Variants in CSMD1 observed in about 807,000 individuals in gnomAD.
CSMD1 encodes CUB and Sushi multiple domains 1, also known as CUB and sushi domain-containing protein 1.
A neutral mutation model predicts 417.5 loss-of-function variants in CSMD1; 213 were observed. The ratio of observed to expected loss-of-function variants is 0.51; its 90% CI spans 0.46 to 0.57. The LOEUF is 0.57. Among genes scored for constraint, CSMD1 ranks in the 20% least tolerant of loss-of-function variants. CSMD1 has a pLI of 0.00. For missense variants in CSMD1, 6,923 were observed against 4,529.7 expected (o/e 1.53, Z -15.17); for synonymous variants, 2,862 against 1,736.8 (o/e 1.65, Z -16.11).
At chr8:4,051,803 A>G (rs1798437205) in intron 3 of CSMD1, among the ~76,000 whole-genome samples, 1 of 152,116 alleles carries the variant, frequency 6.6e-6, no homozygotes, top group South Asian at 2.1e-4. Flanking sequence ...ACACCATACA[A>G]TACTGACAGT....
intron 1 of CSMD1, among the ~76,000 whole-genome samples, chr8:4,928,295 G>A (rs1026606062): frequency 4.6e-5 from 7 of 152,076 alleles, no homozygotes; most frequent in African/African-American, 1.2e-4. Context: ...TCCCATATGT[G>A]CACAATCCCC....
chr8:3,136,326 G>A (rs1399553792), intron 41 of CSMD1, among the ~76,000 whole-genome samples: 3 of 146,426 alleles, frequency 2.0e-5, no homozygotes, highest in Non-Finnish European at 4.4e-5. Flanking sequence ...GCATGATCTC[G>A]GCTCACTACA....
At chr8:4,736,607 G>A (rs866802516) in intron 1 of CSMD1, among the ~76,000 whole-genome samples, 1 of 152,190 alleles carries the variant, frequency 6.6e-6, no homozygotes, top group Non-Finnish European at 1.5e-5. Context: ...TTGTACTGGA[G>A]CTAAAAGGCA....
At chr8:3,841,892 G>C (rs909353688) in intron 5 of CSMD1, among the ~76,000 whole-genome samples, 1 of 151,618 alleles carries the variant, frequency 6.6e-6, no homozygotes, top group African/African-American at 2.4e-5. Context: ...CACTGGCCAC[G>C]GCAAAGCCTT....
intron 5 of CSMD1, among the ~76,000 whole-genome samples, chr8:3,919,521 G>A (rs970361322): frequency 8.5e-5 from 13 of 152,150 alleles, no homozygotes; most frequent in Admixed American, 7.9e-4. Context: ...GTATCATACT[G>A]CTTTTATTAC....
At chr8:4,950,512 A>G (rs1215795331) in intron 1 of CSMD1, among the ~76,000 whole-genome samples, 1 of 152,210 alleles carries the variant, frequency 6.6e-6, no homozygotes, top group Admixed American at 6.5e-5. Context: ...TTAAACATAC[A>G]CTACTTTATT....
chr8:3,922,217 T>G (rs1584969781), intron 5 of CSMD1, among the ~76,000 whole-genome samples: 3 of 152,060 alleles, frequency 2.0e-5, no homozygotes, highest in Non-Finnish European at 4.4e-5. Context: ...TTTTAACCAC[T>G]TGCATAAAAA....
intron 3 of CSMD1, among the ~76,000 whole-genome samples, chr8:4,145,426 T>C (rs1394203808): frequency 6.6e-6 from 1 of 151,242 alleles, no homozygotes; most frequent in Non-Finnish European, 1.5e-5. Context: ...CTGGGAAAAG[T>C]GACTTAATCT....
chr8:4,399,274 A>G (rs1804483881), intron 3 of CSMD1, among the ~76,000 whole-genome samples: 1 of 152,238 alleles, frequency 6.6e-6, no homozygotes, highest in African/African-American at 2.4e-5. Context: ...ACAGCAACAA[A>G]GGACCATCAT....
intron 7 of CSMD1, among the ~76,000 whole-genome samples, chr8:3,632,754 G>C (rs959061054): frequency 1.3e-5 from 2 of 152,184 alleles, no homozygotes; most frequent in Non-Finnish European, 2.9e-5. Flanking sequence ...GCCAAGTTTT[G>C]CTGCCCTTGT....
intron 2 of CSMD1, among the ~76,000 whole-genome samples, chr8:4,435,006 C>T (rs1177493777): frequency 1.3e-5 from 2 of 152,066 alleles, no homozygotes; most frequent in Non-Finnish European, 2.9e-5. Flanking sequence ...CTTTTGTCTA[C>T]TCTTGGAGAC....
chr8:3,634,160 C>T (rs1196088359), intron 7 of CSMD1, among the ~76,000 whole-genome samples: 1 of 152,128 alleles, frequency 6.6e-6, no homozygotes, highest in East Asian at 1.9e-4. Context: ...TTGGAATGTC[C>T]TAGCTTATGA....
chr8:4,199,362 C>G (rs752227693), intron 3 of CSMD1, among the ~76,000 whole-genome samples: 3 of 152,074 alleles, frequency 2.0e-5, no homozygotes, highest in Non-Finnish European at 2.9e-5. Flanking sequence ...CACATAGATG[C>G]TTTAATAAAG....
At chr8:4,412,070 G>C (rs553621928) in intron 3 of CSMD1, among the ~76,000 whole-genome samples, 7 of 151,766 alleles carry the variant, frequency 4.6e-5, no homozygotes, top group South Asian at 4.2e-4. Context: ...ATATAGTTCA[G>C]ATATTTCTCA....
intron 41 of CSMD1, among the ~76,000 whole-genome samples, chr8:3,124,289 G>A (rs753505626): frequency 3.3e-5 from 5 of 152,094 alleles, no homozygotes; most frequent in African/African-American, 7.2e-5. Flanking sequence ...TTACTCTGGT[G>A]AATTTAGGCA....
chr8:3,063,925 T>G (rs1423737298), intron 49 of CSMD1, among the ~76,000 whole-genome samples: 1 of 152,194 alleles, frequency 6.6e-6, no homozygotes, highest in Admixed American at 6.5e-5. Flanking sequence ...ACCTTGTTAA[T>G]GTACTTAACA....
intron 5 of CSMD1, among the ~76,000 whole-genome samples, chr8:3,834,269 T>A (rs1802542310): frequency 6.6e-6 from 1 of 152,198 alleles, no homozygotes; most frequent in South Asian, 2.1e-4. Flanking sequence ...CATCTGTATC[T>A]AGGGCTCTTC....
At position 3,563,663 on chromosome 8, in the gene CSMD1, G is replaced by C. The variant is rs897648915; in HGVS notation, c.1344+11282C>G. 2.6e-5 allele frequency among the ~76,000 whole-genome samples: 4 copies of C among 152,182 alleles called. No homozygotes were observed. In the East Asian group the frequency reaches 5.8e-4, roughly 22 times the overall value. On this transcript the variant is annotated intron_variant, in intron 10 of 69. Coordinates refer to ENST00000635120, the MANE Select transcript of CSMD1 (RefSeq NM_033225.6). ...CCCAGCACTTTGGGAGGCTGAGGCGGGTGGATCATGAGGTCAGGAGTTCGA... is the reference window on the plus strand; with the variant it reads ...CCCAGCACTTTGGGAGGCTGAGGCGCGTGGATCATGAGGTCAGGAGTTCGA...
At chr8:3,838,677 AT>A (rs1802873460) in intron 5 of CSMD1, among the ~76,000 whole-genome samples, 1 of 89,452 alleles carries the variant, frequency 1.1e-5, no homozygotes, top group Non-Finnish European at 1.9e-5. Context: ...AATTAATATT[AT>A]ATAGTATAAT....
Sources: allele counts gnomAD v4.1 joint callset (sites outside exome capture counted in the v4.1 genomes callset), GRCh38; gene constraint gnomAD v4.1.1; transcripts MANE v1.5; gene names NCBI Gene and HGNC (gene_info 2026-07-23, HGNC 2026-07-21).